SGCZ: variants seen among roughly 807,000 people sequenced by gnomAD.
SGCZ encodes sarcoglycan zeta, also known as zeta-sarcoglycan.
Under a neutral mutation model 41.3 loss-of-function variants are expected in SGCZ, and 40 were observed. The observed-to-expected ratio is 0.97, with a 90% CI of 0.75 to 1.26. The LOEUF is 1.26. SGCZ is among the 50% of genes most tolerant of loss of function. The pLI, the probability that SGCZ is intolerant of heterozygous loss-of-function variation, is 0.00. For synonymous variants in SGCZ, 206 were observed against 137.5 expected, an observed-to-expected ratio of 1.50 and a Z score of -3.49; for missense variants, 552 against 369.8, an observed-to-expected ratio of 1.49 and a Z score of -4.04.
At chr8:14,532,178 G>C (rs1439184243) in intron 2 of SGCZ, among the ~76,000 whole-genome samples, 2 of 152,052 alleles carry the variant, frequency 1.3e-5, no homozygotes, top group Non-Finnish European at 2.9e-5. Context: ...TGTGATCAAA[G>C]TAAGGCACTA....
intron 1 of SGCZ, among the ~76,000 whole-genome samples, chr8:14,632,687 C>G (rs1806697763): frequency 6.6e-6 from 1 of 152,046 alleles, no homozygotes; most frequent in African/African-American, 2.4e-5. Flanking sequence ...TCTTAACACA[C>G]AATTCATCTG....
At chr8:15,129,329 C>G (rs531354975) in intron 1 of SGCZ, among the ~76,000 whole-genome samples, 1 of 152,294 alleles carries the variant, frequency 6.6e-6, no homozygotes. Flanking sequence ...AAGCTTGCCA[C>G]AGTTAACACT....
At chr8:14,257,743 T>C (rs1419085711) in intron 3 of SGCZ, among the ~76,000 whole-genome samples, 1 of 152,066 alleles carries the variant, frequency 6.6e-6, no homozygotes, top group Non-Finnish European at 1.5e-5. Flanking sequence ...TTTGGTTTTT[T>C]GTCCTTGCGA....
chr8:14,782,362 T>A (rs1800617557), intron 1 of SGCZ, among the ~76,000 whole-genome samples: 1 of 152,214 alleles, frequency 6.6e-6, no homozygotes. Context: ...ACCTGCTGAA[T>A]CATAATGTAA....
intron 4 of SGCZ, among the ~76,000 whole-genome samples, chr8:14,220,318 A>G (rs1806148272): frequency 6.6e-6 from 1 of 152,190 alleles, no homozygotes; most frequent in African/African-American, 2.4e-5. Flanking sequence ...CAGAGACATA[A>G]TATTACGAGA....
At chr8:14,971,687 G>A (rs139790002) in intron 1 of SGCZ, among the ~76,000 whole-genome samples, 5 of 124,562 alleles carry the variant, frequency 4.0e-5, no homozygotes, top group African/African-American at 1.5e-4. Flanking sequence ...GTCCTGCTCT[G>A]TCGCCAGGCT....
chr8:14,417,424 T>G (rs566092550), intron 2 of SGCZ, among the ~76,000 whole-genome samples: 1 of 151,810 alleles, frequency 6.6e-6, no homozygotes, highest in Non-Finnish European at 1.5e-5. Flanking sequence ...CTAAGATTAT[T>G]TTTTCACTCT....
intron 2 of SGCZ, among the ~76,000 whole-genome samples, chr8:14,387,089 G>A (rs1458201678): frequency 6.6e-6 from 1 of 152,146 alleles, no homozygotes; most frequent in East Asian, 1.9e-4. Context: ...TATAGAGACA[G>A]GGTCTCACTC....
intron 2 of SGCZ, among the ~76,000 whole-genome samples, chr8:14,439,999 A>G (rs1300182512): frequency 6.8e-6 from 1 of 147,456 alleles, no homozygotes; most frequent in Non-Finnish European, 1.5e-5. Flanking sequence ...AATTTTAACT[A>G]AAAAAAAAAA....
At chr8:14,307,083 A>G (rs1242988673) in intron 3 of SGCZ, among the ~76,000 whole-genome samples, 2 of 152,192 alleles carry the variant, frequency 1.3e-5, no homozygotes, top group African/African-American at 4.8e-5. Context: ...ATTTTATCAG[A>G]AAAAGAGCAA....
intron 5 of SGCZ, among the ~76,000 whole-genome samples, chr8:14,143,784 C>A (rs1172110498): frequency 6.6e-6 from 1 of 152,196 alleles, no homozygotes; most frequent in Non-Finnish European, 1.5e-5. Flanking sequence ...ACACCCCACC[C>A]TCCCTACATC....
intron 2 of SGCZ, among the ~76,000 whole-genome samples, chr8:14,497,597 A>T (rs997465425): frequency 2.2e-4 from 33 of 151,806 alleles, no homozygotes; most frequent in African/African-American, 5.8e-4. Context: ...TGTGTGTGAG[A>T]GAGAGAGAGA....
chr8:14,679,488 AAT>A (rs1312804771), intron 1 of SGCZ, among the ~76,000 whole-genome samples: 1 of 143,756 alleles, frequency 7.0e-6, no homozygotes, highest in Non-Finnish European at 1.5e-5. Context: ...TCAAAAAAGT[AAT>A]ATATATACAT....
Position 14,450,827 on chromosome 8 carries a change from T to A in SGCZ, c.234+103905A>T, listed in dbSNP as rs145407353. Among the ~76,000 whole-genome samples the A allele has an allele frequency of 2.5e-3, 379 of 152,302 alleles. 3 individuals are homozygous for A. Among genetic ancestry groups the A allele is most frequent in the African/African-American group, 8.3e-3 (345 of 41,558 alleles). On this transcript the variant is annotated intron_variant, in intron 2 of 7. Transcript: ENST00000382080. ...ACACTAAGGACAGAATTACCTGGGC[T>A]TCAGCTCTATTTTTCCTGATATGTG...
chr8:14,267,464 AT>A (rs1470439131), intron 3 of SGCZ, among the ~76,000 whole-genome samples: 6 of 152,100 alleles, frequency 3.9e-5, no homozygotes, highest in Admixed American at 1.3e-4. Context: ...TGAACTGGAC[AT>A]TAATGGTGTT....
At chr8:14,637,124 C>A (rs1806855584) in intron 1 of SGCZ, among the ~76,000 whole-genome samples, 1 of 151,470 alleles carries the variant, frequency 6.6e-6, no homozygotes, top group East Asian at 1.9e-4. Context: ...TAAAGAATTT[C>A]TCATACCTCT....
intron 4 of SGCZ, among the ~76,000 whole-genome samples, chr8:14,223,741 C>G (rs987877213): frequency 1.3e-4 from 20 of 152,154 alleles, no homozygotes; most frequent in Admixed American, 3.9e-4. Flanking sequence ...TAACCCTTAA[C>G]AAACTAAAGA....
intron 3 of SGCZ, among the ~76,000 whole-genome samples, chr8:14,301,834 C>T (rs751947437): frequency 1.3e-5 from 2 of 150,588 alleles, no homozygotes; most frequent in African/African-American, 2.4e-5. Flanking sequence ...TGTTATTCAT[C>T]TATCTCTTTT....
intron 1 of SGCZ, among the ~76,000 whole-genome samples, chr8:14,658,975 C>A (rs1807663237): frequency 6.6e-6 from 1 of 151,702 alleles, no homozygotes; most frequent in Admixed American, 6.6e-5. Context: ...CTAGGGGTGT[C>A]AAAGAAGTTT....
Sources: gnomAD v4.1 joint callset for allele counts (sites outside exome capture counted in the v4.1 genomes callset) on GRCh38, gnomAD v4.1.1 for gene constraint, MANE v1.5 for transcripts, NCBI Gene and HGNC (gene_info 2026-07-23, HGNC 2026-07-21) for gene names.